The following CARMIL1 variants were observed in gnomAD, a reference collection of about 807,000 sequenced individuals.
The protein encoded by CARMIL1 is capping protein regulator and myosin 1 linker 1.
A neutral mutation model predicts 177.1 loss-of-function variants in CARMIL1; 90 were observed. The ratio of observed to expected loss-of-function variants is 0.51; its 90% CI spans 0.43 to 0.61. CARMIL1 has a LOEUF of 0.61. Among genes scored for constraint, CARMIL1 ranks in the 20% least tolerant of loss-of-function variants. The pLI, the probability that CARMIL1 is intolerant of heterozygous loss-of-function variation, is 0.00. For synonymous variants in CARMIL1, 577 were observed against 606.2 expected (o/e 0.95, Z 0.71); for missense variants, 1,380 against 1,667.0 (o/e 0.83, Z 3.00).
chr6:25,490,424 G>A (rs1375470303), intron 13 of CARMIL1, among the ~76,000 whole-genome samples: 1 of 152,216 alleles, frequency 6.6e-6, no homozygotes, highest in South Asian at 2.1e-4. Context: ...ATGGCTGGGT[G>A]TAGTGGCTCA....
chr6:25,506,614 A>G (rs1203975884), intron 17 of CARMIL1, among the ~76,000 whole-genome samples: 1 of 152,200 alleles, frequency 6.6e-6, no homozygotes, highest in African/African-American at 2.4e-5. Flanking sequence ...CTAGATTGTT[A>G]TTTGGCATCA....
chr6:25,394,954 G>T (rs951731120), intron 2 of CARMIL1, among the ~76,000 whole-genome samples: 1 of 152,124 alleles, frequency 6.6e-6, no homozygotes, highest in African/African-American at 2.4e-5. Context: ...AATATATTCC[G>T]ATTAATGGTA....
intron 8 of CARMIL1, among the ~76,000 whole-genome samples, chr6:25,465,217 T>C (rs1414807476): frequency 6.6e-6 from 1 of 151,934 alleles, no homozygotes; most frequent in African/African-American, 2.4e-5. Context: ...TATGAGATAA[T>C]TGATGGTTAA....
intron 2 of CARMIL1, among the ~76,000 whole-genome samples, chr6:25,369,381 T>TG (rs1434549292): frequency 2.4e-5 from 2 of 82,924 alleles, no homozygotes; most frequent in South Asian, 4.1e-4. Flanking sequence ...TGTATTTTGT[T>TG]TTTTTTTTTT....
At chr6:25,306,343 C>T (rs1204320475) in intron 2 of CARMIL1, among the ~76,000 whole-genome samples, 10 of 152,140 alleles carry the variant, frequency 6.6e-5, no homozygotes, top group Admixed American at 6.5e-4. Context: ...GTTCTACCTC[C>T]TGTCAGATCA....
At chr6:25,440,289 A>T (rs1303715131) in intron 5 of CARMIL1, among the ~76,000 whole-genome samples, 1 of 152,188 alleles carries the variant, frequency 6.6e-6, no homozygotes, top group East Asian at 1.9e-4. Context: ...TGCAGAGGAG[A>T]TTTACTGCAA....
intron 24 of CARMIL1, 30 bp downstream of exon 24, chr6:25,528,923 T>A: frequency 6.5e-7 from 1 of 1,545,048 alleles, no homozygotes; most frequent in Non-Finnish European, 8.9e-7. Context: ...TGACTTCTCC[T>A]TCTATTCTTA....
intron 34 of CARMIL1, among the ~76,000 whole-genome samples, 172 bp from the exon 35 acceptor site, chr6:25,605,889 C>G (rs1361224518): frequency 6.6e-6 from 1 of 152,190 alleles, no homozygotes; most frequent in Admixed American, 6.5e-5. Context: ...CACTCTTCCT[C>G]CAGCATGTTT....
chr6:25,320,035 C>T (rs566022675), intron 2 of CARMIL1, among the ~76,000 whole-genome samples: 7 of 152,078 alleles, frequency 4.6e-5, no homozygotes, highest in Non-Finnish European at 8.8e-5. Flanking sequence ...GAGAACTAGT[C>T]GATGAACATG....
chr6:25,604,900 C>A lies in CARMIL1; in HGVS notation c.3634+7C>A. 1.3e-6 allele frequency: 2 copies of A among 1,583,692 alleles called. No homozygotes were observed. The highest frequency in any genetic ancestry group is 1.7e-6 in the Non-Finnish European group (2 of 1,165,038). On this transcript the variant is annotated splice_region_variant and intron_variant, in intron 34 of 36. Coordinates refer to ENST00000329474, the MANE Select transcript of CARMIL1 (RefSeq NM_017640.6). Reference sequence around the variant, plus strand: ...TCGGATGGAGGTGGGGCAGGTAAGTCAGGCCATTGCCATCACCCCCTTAGG... The same window carrying A: ...TCGGATGGAGGTGGGGCAGGTAAGTAAGGCCATTGCCATCACCCCCTTAGG...
intron 8 of CARMIL1, among the ~76,000 whole-genome samples, chr6:25,462,927 C>T (rs1201012100): frequency 6.6e-6 from 1 of 152,186 alleles, no homozygotes; most frequent in Non-Finnish European, 1.5e-5. Flanking sequence ...AAATAAATAT[C>T]TGCTGAATAT....
intron 11 of CARMIL1, 129 bp from the exon 12 acceptor site, chr6:25,482,128 A>G (rs1802173231): frequency 1.6e-6 from 1 of 613,658 alleles, no homozygotes; most frequent in Non-Finnish European, 2.9e-6. Context: ...TTTAGAAAAC[A>G]AAGTCTGATA....
chr6:25,472,496 T>G lies in CARMIL1; in HGVS notation c.849T>G (p.Leu283=). The G allele has an allele frequency of 1.9e-6, 3 of 1,580,394 alleles. No homozygotes were observed. Among genetic ancestry groups the G allele is most frequent in the Non-Finnish European group, 2.6e-6 (3 of 1,162,320 alleles). The change falls in exon 11 of 37, where the codon CTT becomes CTG. Residue 283 remains leucine, a synonymous_variant. Coordinates refer to ENST00000329474, the MANE Select transcript of CARMIL1 (RefSeq NM_017640.6). ...NPNSGLHTIN[L]AGNPLEDRGV... is the part of the protein sequence containing the mutation. The stretch of plus-strand genomic sequence containing the variant: ...ACTCAGGACTCCACACAATTAACCT[T>G]GCTGGCAACCCACTGGAGGATAGAG...
chr6:25,560,192 A>G (rs1345967399), intron 29 of CARMIL1, among the ~76,000 whole-genome samples: 1 of 152,210 alleles, frequency 6.6e-6, no homozygotes, highest in Non-Finnish European at 1.5e-5. Context: ...TTAATTTTAT[A>G]AAGTTAAAGA....
At chr6:25,585,900 G>T (rs1813602690) in intron 31 of CARMIL1, among the ~76,000 whole-genome samples, 1 of 152,198 alleles carries the variant, frequency 6.6e-6, no homozygotes, top group African/African-American at 2.4e-5. Context: ...CAAGGCAGAA[G>T]AATTTTTCTT....
chr6:25,586,751 G>A (rs1213525781), intron 31 of CARMIL1, among the ~76,000 whole-genome samples: 1 of 152,166 alleles, frequency 6.6e-6, no homozygotes, highest in Non-Finnish European at 1.5e-5. Context: ...TCAGGAGCTG[G>A]AGACCAGCCC....
intron 2 of CARMIL1, among the ~76,000 whole-genome samples, chr6:25,342,393 C>T (rs1350049831): frequency 6.6e-6 from 1 of 152,152 alleles, no homozygotes; most frequent in East Asian, 1.9e-4. Context: ...CTGCTCTCTT[C>T]TTACTGCAGC....
intron 2 of CARMIL1, among the ~76,000 whole-genome samples, chr6:25,415,069 C>A (rs1795245008): frequency 6.6e-6 from 1 of 152,182 alleles, no homozygotes; most frequent in Non-Finnish European, 1.5e-5. Context: ...ATTAGATCCT[C>A]ATGTATCTAC....
At chr6:25,461,186 A>G (rs1450034831) in intron 8 of CARMIL1, among the ~76,000 whole-genome samples, 2 of 152,178 alleles carry the variant, frequency 1.3e-5, no homozygotes, top group African/African-American at 2.4e-5. Context: ...TCATGTCTAC[A>G]TTGTAGAGAC....
Sources: allele counts gnomAD v4.1 joint callset (sites outside exome capture counted in the v4.1 genomes callset), GRCh38; gene constraint gnomAD v4.1.1; transcripts MANE v1.5; gene names NCBI Gene and HGNC (gene_info 2026-07-23, HGNC 2026-07-21).